The following STRN4 variants were observed in gnomAD, a reference collection of about 807,000 sequenced individuals.
STRN4 encodes striatin 4.
A neutral mutation model predicts 77.9 loss-of-function variants in STRN4; 27 were observed. The ratio of observed to expected loss-of-function variants is 0.35; its 90% CI spans 0.26 to 0.48. The LOEUF (loss-of-function observed/expected upper bound fraction) is 0.48. STRN4 is among the 20% of genes least tolerant of loss of function. STRN4 has a pLI of 0.99. For synonymous variants in STRN4, 466 were observed against 443.1 expected, an observed-to-expected ratio of 1.05 and a Z score of -0.65; for missense variants, 798 against 1,049.7, an observed-to-expected ratio of 0.76 and a Z score of 3.31.
chr19:46,729,656 C>G (rs898632575), intron 6 of STRN4, among the ~76,000 whole-genome samples: 1 of 152,204 alleles, frequency 6.6e-6, no homozygotes, highest in African/African-American at 2.4e-5. Context: ...GAGGGGCACA[C>G]GAGTGGCAAT....
chr19:46,730,901 C>T (rs368951928), intron 5 of STRN4, 28 bp from the exon 6 acceptor site: 1 of 1,606,708 alleles, frequency 6.2e-7, no homozygotes, highest in Non-Finnish European at 8.5e-7. Context: ...GCAGAGGAGG[C>T]ATGAGTCCTG....
chr19:46,740,005 G>A (rs2054445445), intron 1 of STRN4, among the ~76,000 whole-genome samples: 1 of 152,232 alleles, frequency 6.6e-6, no homozygotes, highest in African/African-American at 2.4e-5. Flanking sequence ...TCTGTGGATT[G>A]GCCAGGCACA....
Position 46,736,911 on chromosome 19 carries a change from G to A in STRN4, c.461-10C>T. 1.2e-6 allele frequency: 2 copies of A among 1,610,460 alleles called. No individual in the cohort carries two copies. The highest frequency in any genetic ancestry group is 1.7e-6 in the Non-Finnish European group (2 of 1,178,292). On this transcript the variant is annotated splice_polypyrimidine_tract_variant and intron_variant, in intron 3 of 17. Coordinates refer to ENST00000263280, the MANE Select transcript of STRN4 (RefSeq NM_013403.3). ...ACGGGGCCATTGGAGACTGGCGGGT[G>A]AGAGAACGGAGGCTGTCTTAAGTCA...
Position 46,733,546 on chromosome 19 carries a change from C to T in STRN4, c.540-310G>A, listed in dbSNP as rs539151170. ...GCAAATGACTCATAGCGCTGCAAGG[C>T]AGAAGATCAACAGGGCAGAGCCTTA... is the stretch of plus-strand genomic sequence containing the variant. On this transcript the variant is annotated intron_variant, in intron 4 of 17. Transcript: ENST00000263280. The surrounding 1 kb of genome is among the most constrained non-coding windows in gnomAD (Gnocchi z 4.3). The T allele has an allele frequency of 9.2e-4, 315 of 341,920 alleles. 2 individuals are homozygous for T. The East Asian group carries it at 0.015, about 16-fold the overall frequency. The allele number at this position is 341,920 out of a possible 1,614,324, so 21.2% of individuals were successfully genotyped here. A position where few individuals can be genotyped will look rare whatever the true frequency, so the allele number is the denominator to read the frequency against.
At chr19:46,727,601 G>A (rs754494674) in intron 8 of STRN4, 55 bp from the exon 9 acceptor site, 1 of 1,432,474 alleles carries the variant, frequency 7.0e-7, no homozygotes, top group African/African-American at 1.4e-5. Context: ...GGCAGAGAGG[G>A]CCAGGGAGAG....
rs569440158 is a variant in STRN4 at position 46,746,401 on chromosome 19, G to T, written c.30C>A (p.Val10=). Residue 10 remains valine, a synonymous_variant, in exon 1 of 18, where the codon GTC becomes GTA. Transcript: ENST00000263280. MMEERAAAA[V]AAAASSCRPL... ...GACGGCAGGAGGAGGCGGCGGCGGCGACCGCGGCGGCCGCTCGCTCCTCCA... is the reference window on the plus strand; with the variant it reads ...GACGGCAGGAGGAGGCGGCGGCGGCTACCGCGGCGGCCGCTCGCTCCTCCA... 3.0e-3 allele frequency: 3,184 copies of T among 1,060,528 alleles called. 73 individuals are homozygous for T. In the African/African-American group the frequency reaches 0.051, roughly 17 times the overall value. 65.7% of individuals were successfully genotyped at this position (1,060,528 alleles called of 1,614,324 possible).
chr19:46,720,323 C>CGT lies in STRN4; in HGVS notation c.*81_*82insAC. On this transcript the variant is annotated 3_prime_UTR_variant, in exon 18 of 18. Transcript: ENST00000263280. ...AGAGGCCAGGCCTCTGCACCTCCAG[C>CGT]GAGGCTGGGAGTCCCCTGCGGGAAA... 1 of 330,562 alleles carries CGT rather than the reference C, an allele frequency of 3.0e-6. No individual in the cohort carries two copies. The highest frequency in any genetic ancestry group is 5.5e-6 in the Non-Finnish European group (1 of 182,116). 20.5% of individuals were successfully genotyped at this position (330,562 alleles called of 1,614,324 possible). A position where few individuals can be genotyped will look rare whatever the true frequency, so the allele number is the denominator to read the frequency against.
chr19:46,743,111 T>C (rs530070150), intron 1 of STRN4, among the ~76,000 whole-genome samples: 5 of 152,326 alleles, frequency 3.3e-5, no homozygotes, highest in African/African-American at 1.2e-4. Context: ...CAGATTATTA[T>C]GTCACAAAAT....
intron 13 of STRN4, 26 bp from the exon 14 acceptor site, chr19:46,722,976 GCTGAATGGAC>G: frequency 6.2e-6 from 10 of 1,612,640 alleles, no homozygotes; most frequent in Non-Finnish European, 8.5e-6. Context: ...AGAGAAGGCT[GCTGAATGGAC>G]CCTCAGACCC....
intron 1 of STRN4, among the ~76,000 whole-genome samples, chr19:46,743,189 A>T (rs2054503797): frequency 6.6e-6 from 1 of 152,212 alleles, no homozygotes; most frequent in Non-Finnish European, 1.5e-5. Context: ...AGAGAAGAGC[A>T]GGAAAGGGAC....
chr19:46,739,755 T>TC (rs1279195427), intron 1 of STRN4, among the ~76,000 whole-genome samples: 1 of 152,218 alleles, frequency 6.6e-6, no homozygotes, highest in Non-Finnish European at 1.5e-5. Context: ...CTTACGCAGG[T>TC]CATCAGCCTT....
At chr19:46,724,632 C>T (rs1183909561) in intron 12 of STRN4, among the ~76,000 whole-genome samples, 175 bp downstream of exon 12, 7 of 152,266 alleles carry the variant, frequency 4.6e-5, no homozygotes, top group African/African-American at 9.6e-5. Context: ...CCGGCTGGCT[C>T]GTCCCTTGGC....
Position 46,723,100 on chromosome 19 carries a change from G to GGAGCT in STRN4, c.1765+13_1765+14insAGCTC. 1 of 1,560,380 alleles carries GGAGCT rather than the reference G, an allele frequency of 6.4e-7. No individual in the cohort carries two copies. Among genetic ancestry groups the GGAGCT allele is most frequent in the South Asian group, 1.2e-5 (1 of 85,624 alleles). ...CGCACAGCTCCAGGGTGAGGCACCG[G>GGAGCT]GGCCCCCACTCACCGCTGGCTGTGG... On this transcript the variant is annotated intron_variant, in intron 13 of 17. Coordinates refer to ENST00000263280, the MANE Select transcript of STRN4 (RefSeq NM_013403.3). The surrounding 1 kb of genome is among the most constrained non-coding windows in gnomAD (Gnocchi z 5.5).
At chr19:46,744,543 C>T (rs148486233) in intron 1 of STRN4, among the ~76,000 whole-genome samples, 3 of 151,986 alleles carry the variant, frequency 2.0e-5, no homozygotes, top group Non-Finnish European at 4.4e-5. Context: ...GTCACCACAC[C>T]CGGCTAATTT....
chr19:46,722,394 C>G (rs2053999522), intron 14 of STRN4, 54 bp from the exon 15 acceptor site: 1 of 1,563,330 alleles, frequency 6.4e-7, no homozygotes, highest in Non-Finnish European at 8.8e-7. Flanking sequence ...TCAGGAAGAC[C>G]AGAACAGAGG....
chr19:46,733,107 T>C lies in STRN4; in HGVS notation c.669A>G (p.Pro223=). ...VEPSEGAPRA[P]PGPAGLSGGE... is the part of the protein sequence containing the mutation. Reference sequence around the variant, plus strand: ...CACCACTGAGCCCTGCAGGGCCTGGTGGAGCCCTGGGGGCCCCTTCACTCG... The same window carrying C: ...CACCACTGAGCCCTGCAGGGCCTGGCGGAGCCCTGGGGGCCCCTTCACTCG... Residue 223 remains proline, a synonymous_variant, in exon 5 of 18, where the codon CCA becomes CCG. Coordinates refer to ENST00000263280, the MANE Select transcript of STRN4 (RefSeq NM_013403.3). The surrounding 1 kb of genome is among the most constrained non-coding windows in gnomAD (Gnocchi z 4.3). The C allele has an allele frequency of 6.2e-7, 1 of 1,613,344 alleles. No homozygotes were observed. The highest frequency in any genetic ancestry group is 8.5e-7 in the Non-Finnish European group (1 of 1,179,924).
At chr19:46,726,209 CT>C (rs2054109460) in intron 9 of STRN4, 1 of 154,780 alleles carries the variant, frequency 6.5e-6, no homozygotes, top group African/African-American at 2.4e-5. Context: ...GAGACAGGTG[CT>C]GGGTGGTGAG....
In STRN4 at chr19:46,722,815, C is replaced by T; in HGVS notation, c.1901G>A (p.Ser634Asn). 1 of 1,613,804 alleles carries T rather than the reference C, an allele frequency of 6.2e-7. No individual in the cohort carries two copies. The highest frequency in any genetic ancestry group is 8.5e-7 in the Non-Finnish European group (1 of 1,179,966). ...SALLTLESRG[S>N]SGPTQINQVV... Reference sequence around the variant, plus strand: ...GCTGATGTCAGCCCCCTTACCGCTGCTGCCCCGGGACTCCAGCGTGAGGAG... The same window carrying T: ...GCTGATGTCAGCCCCCTTACCGCTGTTGCCCCGGGACTCCAGCGTGAGGAG... Residue 634 changes from serine to asparagine, a missense_variant, in exon 14 of 18, where the codon AGC (serine) becomes AAC (asparagine). This residue lies in a region of STRN4 where 287 missense variants were observed against 473.8 expected (regional missense o/e 0.61). Coordinates refer to ENST00000263280, the MANE Select transcript of STRN4 (RefSeq NM_013403.3).
rs1203416610 is a variant in STRN4, at chr19:46,741,415, C to G, written c.283-2527G>C. Among the ~76,000 whole-genome samples the G allele has an allele frequency of 6.6e-6, 1 of 152,172 alleles. No homozygotes were observed. Among genetic ancestry groups the G allele is most frequent in the Non-Finnish European group, 1.5e-5 (1 of 68,022 alleles). On this transcript the variant is annotated intron_variant, in intron 1 of 17. Coordinates refer to ENST00000263280, the MANE Select transcript of STRN4 (RefSeq NM_013403.3). This position sits in a 1 kb window ranked among gnomAD's most constrained non-coding sequence, Gnocchi z 4.9. ...AGCTGCCCACTCTGCTTTGCTGTCC[C>G]TTTCCCAGTGCCTCTGGAAAGAGAA...
Sources: allele counts gnomAD v4.1 joint callset (sites outside exome capture counted in the v4.1 genomes callset), GRCh38; gene constraint gnomAD v4.1.1; regional missense constraint gnomAD v4.1.1; non-coding constraint Gnocchi (gnomAD v3.1); transcripts MANE v1.5; gene names NCBI Gene and HGNC (gene_info 2026-07-23, HGNC 2026-07-21).